MAST4: variants seen among roughly 807,000 people sequenced by gnomAD.
The protein encoded by MAST4 is microtubule associated serine/threonine kinase family member 4.
MAST4 carries 89 observed loss-of-function variants against 162.7 expected under a neutral mutation model. That is an observed-to-expected ratio of 0.55 (90% CI 0.46 to 0.65). The LOEUF is 0.65. Ranked by LOEUF, MAST4 falls within the 30% of genes least tolerant of loss-of-function variation. The pLI, the probability that MAST4 is intolerant of heterozygous loss-of-function variation, is 0.00. For synonymous variants in MAST4, 1,479 were observed against 1,361.1 expected, an observed-to-expected ratio of 1.09 and a Z score of -1.91; for missense variants, 3,153 against 3,374.0, an observed-to-expected ratio of 0.93 and a Z score of 1.62.
chr5:66,799,317 A>G (rs1755803916), intron 3 of MAST4, among the ~76,000 whole-genome samples: 2 of 152,162 alleles, frequency 1.3e-5, no homozygotes, highest in Non-Finnish European at 2.9e-5. Flanking sequence ...AATCCAGGTT[A>G]CATGACCCTC....
At chr5:67,015,483 G>A (rs1753173636) in intron 4 of MAST4, among the ~76,000 whole-genome samples, 1 of 152,172 alleles carries the variant, frequency 6.6e-6, no homozygotes, top group Non-Finnish European at 1.5e-5. Flanking sequence ...TCTCAGGTGT[G>A]TATTTATCTT....
chr5:66,871,604 G>A (rs549779283), intron 3 of MAST4, among the ~76,000 whole-genome samples: 1 of 152,332 alleles, frequency 6.6e-6, no homozygotes, highest in South Asian at 2.1e-4. Context: ...TAATTGAACA[G>A]TTATTAGCAG....
chr5:66,962,919 T>A (rs940609252), intron 4 of MAST4, among the ~76,000 whole-genome samples: 1 of 152,180 alleles, frequency 6.6e-6, no homozygotes, highest in African/African-American at 2.4e-5. Flanking sequence ...ATTGTTGTAC[T>A]GTATCTAATT....
At chr5:66,646,427 C>T (rs1002498254) in intron 1 of MAST4, among the ~76,000 whole-genome samples, 5 of 152,108 alleles carry the variant, frequency 3.3e-5, no homozygotes, top group African/African-American at 1.2e-4. Context: ...TTGAGCTTCT[C>T]TAAGTGCTAA....
chr5:66,625,533 A>T (rs1173389114), intron 1 of MAST4, among the ~76,000 whole-genome samples: 1 of 152,232 alleles, frequency 6.6e-6, no homozygotes, highest in Non-Finnish European at 1.5e-5. Flanking sequence ...CAAAGTACCT[A>T]AATAGGTACT....
Position 67,165,374 on chromosome 5 carries a change from A to G in MAST4, c.6195A>G (p.Gly2065=), listed in dbSNP as rs200001457. 6.4e-5 allele frequency: 103 copies of G among 1,613,706 alleles called. No homozygotes were observed. The African/African-American group carries it at 1.3e-3, about 20-fold the overall frequency. The change falls in exon 29 of 29, where the codon GGA becomes GGG. Residue 2065 remains glycine (G), a synonymous_variant. Transcript: ENST00000403625. ...PRDNSSLHSA[G]IPCEKELGKV... ...ACAACTCCTCTCTGCACTCAGCTGGAATTCCCTGTGAGAAGGAGCTGGGCA... is the reference window on the plus strand; with the variant it reads ...ACAACTCCTCTCTGCACTCAGCTGGGATTCCCTGTGAGAAGGAGCTGGGCA...
chr5:66,973,843 A>G (rs928107669), intron 4 of MAST4, among the ~76,000 whole-genome samples: 2 of 152,236 alleles, frequency 1.3e-5, no homozygotes, highest in Non-Finnish European at 2.9e-5. Flanking sequence ...AGACAAATAC[A>G]TATTTGATGT....
intron 3 of MAST4, among the ~76,000 whole-genome samples, chr5:66,851,862 A>G (rs1021590615): frequency 2.6e-5 from 4 of 151,980 alleles, no homozygotes; most frequent in Non-Finnish European, 4.4e-5. Context: ...GCCTAATTTC[A>G]TTGTGTTATT....
At chr5:66,959,343 G>A (rs768614093) in intron 4 of MAST4, 2 of 778,714 alleles carry the variant, frequency 2.6e-6, no homozygotes, top group South Asian at 2.7e-5. Flanking sequence ...CATGGCACTC[G>A]CTTTCTGGCG....
intron 8 of MAST4, among the ~76,000 whole-genome samples, chr5:67,100,795 A>G (rs996062893): frequency 1.3e-5 from 2 of 152,206 alleles, no homozygotes; most frequent in Non-Finnish European, 2.9e-5. Flanking sequence ...AGTTCTCACA[A>G]TTTGCTGATT....
rs1212687150 is a variant in MAST4 at position 66,666,810 on chromosome 5, CA to C, written c.363+69795del. ...GAGGCCATTTAAAAATCACAGCATG[CA>C]AATGAAATTTTGGAATAAACTTTTG... On this transcript the variant is annotated intron_variant, in intron 1 of 28. Transcript: ENST00000403625. 2.6e-5 allele frequency among the ~76,000 whole-genome samples: 4 copies of C among 152,174 alleles called. No individual in the cohort carries two copies. The East Asian group carries it at 7.7e-4, about 29-fold the overall frequency.
rs1239244333 is a variant in MAST4 at position 67,080,942 on chromosome 5, TTA to T, written c.764-9215_764-9214del. 2.2e-5 allele frequency among the ~76,000 whole-genome samples: 3 copies of T among 139,452 alleles called. No individual in the cohort carries two copies. The Admixed American group carries it at 2.3e-4, about 11-fold the overall frequency. 91.5% of individuals were successfully genotyped at this position (139,452 alleles called of 152,430 possible). A position where few individuals can be genotyped will look rare whatever the true frequency, so the allele number is the denominator to read the frequency against. ...TTAATGTTTTCTTTAATTATATATATTATATAATATAATATATAATTGTATAT... is the reference window on the plus strand; with the variant it reads ...TTAATGTTTTCTTTAATTATATATATTATAATATAATATATAATTGTATAT... On this transcript the variant is annotated intron_variant, in intron 5 of 28. Transcript: ENST00000403625.
intron 1 of MAST4, among the ~76,000 whole-genome samples, chr5:66,598,316 G>A (rs1407847723): frequency 6.6e-6 from 1 of 152,194 alleles, no homozygotes; most frequent in Non-Finnish European, 1.5e-5. Context: ...CTGCTACTGA[G>A]TGGTGAGACC....
intron 5 of MAST4, among the ~76,000 whole-genome samples, chr5:67,057,193 C>G (rs949236555): frequency 1.3e-5 from 2 of 152,090 alleles, no homozygotes; most frequent in African/African-American, 4.8e-5. Context: ...CATGCAGTGC[C>G]TCTTCACCAG....
intron 14 of MAST4, 52 bp from the exon 15 acceptor site, chr5:67,130,158 C>T (rs1327228792): frequency 1.3e-6 from 2 of 1,517,976 alleles, no homozygotes; most frequent in South Asian, 1.2e-5. Flanking sequence ...ATCCCCAAAA[C>T]ATCCTTACTT....
At chr5:66,781,492 C>T (rs1754868545) in intron 2 of MAST4, among the ~76,000 whole-genome samples, 1 of 152,208 alleles carries the variant, frequency 6.6e-6, no homozygotes, top group African/African-American at 2.4e-5. Flanking sequence ...CTTTTTGTTT[C>T]TAGTCCCTTA....
chr5:66,670,756 T>G (rs1747556894), intron 1 of MAST4, among the ~76,000 whole-genome samples: 2 of 72,258 alleles, frequency 2.8e-5, no homozygotes, highest in South Asian at 9.5e-4. Context: ...TAAGCATGAT[T>G]TTTTTTTTTT....
rs2149429115 is a variant in MAST4 at position 66,636,568 on chromosome 5, G to A, written c.363+39550G>A. On this transcript the variant is annotated intron_variant, in intron 1 of 28. Coordinates refer to ENST00000403625, the MANE Select transcript of MAST4 (RefSeq NM_001164664.2). ...TTCTGCTGATCTGCCTAATCTAGAT[G>A]CAGATTAGAGAAGAAAAGGTAGATT... 1.3e-5 allele frequency among the ~76,000 whole-genome samples: 2 copies of A among 152,282 alleles called. 1 individual carries two copies. The highest frequency in any genetic ancestry group is 4.1e-4 in the South Asian group (2 of 4,830).
intron 3 of MAST4, among the ~76,000 whole-genome samples, chr5:66,794,614 A>G (rs927900303): frequency 6.6e-6 from 1 of 152,186 alleles, no homozygotes; most frequent in Non-Finnish European, 1.5e-5. Context: ...ATGATGTGGG[A>G]GTAGCTTGTT....
Sources: allele counts gnomAD v4.1 joint callset (sites outside exome capture counted in the v4.1 genomes callset), GRCh38; gene constraint gnomAD v4.1.1; transcripts MANE v1.5; gene names NCBI Gene and HGNC (gene_info 2026-07-23, HGNC 2026-07-21).